The following GAREM1 variants were observed in gnomAD, a reference collection of about 807,000 sequenced individuals.
GAREM1 encodes GRB2-associated and regulator of MAPK protein 1.
A neutral mutation model predicts 71.3 loss-of-function variants in GAREM1; 26 were observed. The observed-to-expected ratio is 0.36, with a 90% CI of 0.27 to 0.51. GAREM1 has a LOEUF of 0.51. Among genes scored for constraint, GAREM1 ranks in the 20% least tolerant of loss-of-function variants. GAREM1 has a pLI of 0.95. For missense variants in GAREM1, 1,026 were observed against 1,103.1 expected (o/e 0.93, Z 0.99); for synonymous variants, 440 against 433.2 (o/e 1.02, Z -0.20).
intron 1 of GAREM1, among the ~76,000 whole-genome samples, chr18:32,421,402 T>C (rs188913032): frequency 2.0e-5 from 3 of 152,332 alleles, no homozygotes; most frequent in Admixed American, 2.0e-4. Flanking sequence ...AGCTCCCAGC[T>C]GATTACATTC....
chr18:32,268,052 G>C lies in GAREM1; in HGVS notation c.2450C>G (p.Ser817Cys). 1 of 1,614,130 alleles carries C rather than the reference G, an allele frequency of 6.2e-7. No individual in the cohort carries two copies. Among genetic ancestry groups the C allele is most frequent in the Non-Finnish European group, 8.5e-7 (1 of 1,180,022 alleles). ...CAAACCAATGAACCGTAGTGACTTG[G>C]ACACTTCCTCTATAGAGAGTCCTGA... ...DLSGLSIEEV[S>C]KSLRFIGLSE... The change falls in exon 6 of 6, where the codon TCC becomes TGC. Residue 817 changes from serine (S) to cysteine (C), a missense_variant. This residue lies in a region of GAREM1 where 636 missense variants were observed against 631.2 expected (regional missense o/e 1.01). Coordinates refer to ENST00000269209, the MANE Select transcript of GAREM1 (RefSeq NM_001242409.2).
chr18:32,324,796 G>A (rs945004860), intron 2 of GAREM1, among the ~76,000 whole-genome samples: 1 of 152,042 alleles, frequency 6.6e-6, no homozygotes, highest in African/African-American at 2.4e-5. Flanking sequence ...GAAAAGACAT[G>A]GGGGAAACTT....
chr18:32,290,077 C>T (rs921041982), intron 3 of GAREM1, among the ~76,000 whole-genome samples: 1 of 151,440 alleles, frequency 6.6e-6, no homozygotes, highest in Non-Finnish European at 1.5e-5. Flanking sequence ...GTCACTTTTA[C>T]TGTATACTAA....
chr18:32,314,593 GT>G (rs568011044), intron 2 of GAREM1, among the ~76,000 whole-genome samples: 41 of 143,608 alleles, frequency 2.9e-4, no homozygotes, highest in Admixed American at 2.8e-4. Flanking sequence ...TTTTGTTGTT[GT>G]TTTTTTTTTT....
At chr18:32,290,946 T>C (rs1401759523) in intron 3 of GAREM1, among the ~76,000 whole-genome samples, 1 of 152,140 alleles carries the variant, frequency 6.6e-6, no homozygotes, top group African/African-American at 2.4e-5. Context: ...TCAAATAACA[T>C]ATGCATTTAT....
At chr18:32,394,184 G>A in intron 1 of GAREM1, among the ~76,000 whole-genome samples, 1 of 152,140 alleles carries the variant, frequency 6.6e-6, no homozygotes, top group African/African-American at 2.4e-5. Context: ...AGGATGGCTT[G>A]AGTCCAGGAG....
intron 1 of GAREM1, among the ~76,000 whole-genome samples, chr18:32,445,286 T>C (rs1166942471): frequency 6.6e-6 from 1 of 152,106 alleles, no homozygotes; most frequent in African/African-American, 2.4e-5. Context: ...TACAGAATTA[T>C]TAAAAGATAT....
chr18:32,375,989 T>G (rs138900960), intron 2 of GAREM1, among the ~76,000 whole-genome samples: 56 of 147,588 alleles, frequency 3.8e-4, no homozygotes, highest in African/African-American at 1.3e-3. Context: ...TAGTTGAATG[T>G]AAAAAAAAAA....
chr18:32,415,722 C>T (rs2048460154), intron 1 of GAREM1, among the ~76,000 whole-genome samples: 1 of 151,978 alleles, frequency 6.6e-6, no homozygotes, highest in Admixed American at 6.6e-5. Flanking sequence ...AGGAACATAC[C>T]TCAACATCAT....
At chr18:32,292,403 CA>C (rs1405463745) in intron 3 of GAREM1, among the ~76,000 whole-genome samples, 3 of 151,978 alleles carry the variant, frequency 2.0e-5, no homozygotes, top group African/African-American at 7.3e-5. Flanking sequence ...ATGCAAAATC[CA>C]ACTGTTTTTT....
At chr18:32,439,952 A>C (rs2048717780) in intron 1 of GAREM1, among the ~76,000 whole-genome samples, 1 of 152,152 alleles carries the variant, frequency 6.6e-6, no homozygotes, top group African/African-American at 2.4e-5. Flanking sequence ...CCCAAGAGTT[A>C]GCTCTAGAAA....
chr18:32,400,121 T>G (rs1466129882), intron 1 of GAREM1, among the ~76,000 whole-genome samples: 5 of 152,316 alleles, frequency 3.3e-5, no homozygotes, highest in Non-Finnish European at 5.9e-5. Context: ...GCTAGCCATA[T>G]GTAGAAAGCT....
chr18:32,459,253 C>T (rs997278331), intron 1 of GAREM1, among the ~76,000 whole-genome samples: 1 of 152,006 alleles, frequency 6.6e-6, no homozygotes, highest in Non-Finnish European at 1.5e-5. Flanking sequence ...ATTATCAGTC[C>T]TGGACTACAT....
At chr18:32,403,451 C>T (rs1345873024) in intron 1 of GAREM1, among the ~76,000 whole-genome samples, 1 of 152,162 alleles carries the variant, frequency 6.6e-6, no homozygotes, top group African/African-American at 2.4e-5. Flanking sequence ...GCTGTACTCT[C>T]ACTTACACGA....
chr18:32,415,820 G>T (rs1212307011), intron 1 of GAREM1, among the ~76,000 whole-genome samples: 1 of 152,060 alleles, frequency 6.6e-6, no homozygotes, highest in African/African-American at 2.4e-5. Flanking sequence ...AACACAACAA[G>T]TAAGTCCATT....
intron 1 of GAREM1, among the ~76,000 whole-genome samples, chr18:32,398,755 C>A (rs942652332): frequency 6.6e-6 from 1 of 152,126 alleles, no homozygotes; most frequent in African/African-American, 2.4e-5. Flanking sequence ...GGAGCTGGTA[C>A]CATTCCTTCT....
chr18:32,300,612 A>G (rs2047189516), intron 3 of GAREM1, among the ~76,000 whole-genome samples: 1 of 152,212 alleles, frequency 6.6e-6, no homozygotes, highest in South Asian at 2.1e-4. Context: ...AAATGAATAA[A>G]GAAAGTAACA....
At chr18:32,277,859 T>A (rs532965885) in intron 4 of GAREM1, among the ~76,000 whole-genome samples, 1 of 152,246 alleles carries the variant, frequency 6.6e-6, no homozygotes, top group Non-Finnish European at 1.5e-5. Flanking sequence ...AAAGCAGAGT[T>A]ACATGTAGAT....
intron 1 of GAREM1, among the ~76,000 whole-genome samples, chr18:32,464,775 C>T (rs1037143100): frequency 2.7e-5 from 4 of 149,026 alleles, no homozygotes; most frequent in Non-Finnish European, 4.5e-5. Context: ...TCCGTATCTA[C>T]TACAGCCATC....
Sources: gnomAD v4.1 joint callset for allele counts (sites outside exome capture counted in the v4.1 genomes callset) on GRCh38, gnomAD v4.1.1 for gene constraint, gnomAD v4.1.1 regional missense constraint, MANE v1.5 for transcripts, NCBI Gene and HGNC (gene_info 2026-07-23, HGNC 2026-07-21) for gene names.